The following ELMO1 variants were observed in gnomAD, a reference collection of about 807,000 sequenced individuals.
ELMO1 encodes the protein engulfment and cell motility protein 1.
In ELMO1, 26 loss-of-function variants were observed where a neutral mutation model predicts 98.9. That is an observed-to-expected ratio of 0.26 (90% confidence interval 0.19 to 0.36). ELMO1 has a LOEUF of 0.36. ELMO1 is among the 10% of genes least tolerant of loss of function. ELMO1 has a pLI of 1.00. For synonymous variants in ELMO1, 346 were observed against 346.0 expected, an observed-to-expected ratio of 1.00 and a Z score of 0.00; for missense variants, 627 against 935.2, an observed-to-expected ratio of 0.67 and a Z score of 4.30.
intron 5 of ELMO1, among the ~76,000 whole-genome samples, chr7:37,265,176 C>G (rs1305432835): frequency 6.6e-6 from 1 of 152,186 alleles, no homozygotes; most frequent in Non-Finnish European, 1.5e-5. Context: ...CTGCTGGCAT[C>G]TCTACCCTCA....
chr7:37,001,111 A>C (rs1023534945), intron 16 of ELMO1, among the ~76,000 whole-genome samples: 1 of 152,204 alleles, frequency 6.6e-6, no homozygotes, highest in Admixed American at 6.5e-5. Flanking sequence ...ATTTTTATTA[A>C]GAAACAGATG....
In ELMO1 at chr7:37,343,000, C is replaced by A; in HGVS notation, c.-73-237G>T. On this transcript the variant is annotated intron_variant, in intron 1 of 21. Transcript: ENST00000310758. The surrounding 1 kb of genome is among the most constrained non-coding windows in gnomAD (Gnocchi z 4.3). Reference sequence around the variant, plus strand: ...GTCAAAGCCGCCAGGAGACGCTGCCCTGTGGGGCACGGCTTGCGCGAATCT... The same window carrying A: ...GTCAAAGCCGCCAGGAGACGCTGCCATGTGGGGCACGGCTTGCGCGAATCT... 3.1e-6 allele frequency: 1 copy of A among 320,366 alleles called. No individual in the cohort carries two copies. The allele number at this position is 320,366 out of a possible 1,614,324, so 19.8% of individuals were successfully genotyped here.
At chr7:37,082,446 G>A (rs915366248) in intron 15 of ELMO1, among the ~76,000 whole-genome samples, 1 of 152,154 alleles carries the variant, frequency 6.6e-6, no homozygotes, top group Admixed American at 6.5e-5. Context: ...GCTCATGTCT[G>A]TAATCCCAGC....
At chr7:37,161,408 T>A (rs1442441739) in intron 13 of ELMO1, among the ~76,000 whole-genome samples, 1 of 152,036 alleles carries the variant, frequency 6.6e-6, no homozygotes, top group African/African-American at 2.4e-5. Flanking sequence ...ACTGTACATA[T>A]CTCCATCCCC....
chr7:36,985,961 T>G, intron 16 of ELMO1: 2 of 1,002,986 alleles, frequency 2.0e-6, no homozygotes, highest in Non-Finnish European at 2.4e-6. Context: ...CCACAAATAC[T>G]GATTCTAAGC....
intron 16 of ELMO1, among the ~76,000 whole-genome samples, chr7:36,988,867 G>C (rs1791682872): frequency 6.6e-6 from 1 of 152,174 alleles, no homozygotes; most frequent in African/African-American, 2.4e-5. Context: ...TACAAGCAAT[G>C]ACAATGCATT....
intron 1 of ELMO1, among the ~76,000 whole-genome samples, chr7:37,376,255 G>C (rs568930436): frequency 6.6e-6 from 1 of 152,198 alleles, no homozygotes; most frequent in East Asian, 1.9e-4. Flanking sequence ...GACAGTGAAA[G>C]AAATCTGACA....
intron 13 of ELMO1, among the ~76,000 whole-genome samples, chr7:37,159,016 A>T (rs1004486765): frequency 6.6e-6 from 1 of 152,218 alleles, no homozygotes; most frequent in Non-Finnish European, 1.5e-5. Flanking sequence ...ACATGGATGA[A>T]GCTGGAAACC....
intron 16 of ELMO1, among the ~76,000 whole-genome samples, chr7:36,910,621 G>A (rs1275502000): frequency 6.6e-6 from 1 of 152,096 alleles, no homozygotes; most frequent in Non-Finnish European, 1.5e-5. Context: ...TGTGTCCTTG[G>A]GCAAATTCCT....
rs1395809414 is a variant in ELMO1 at position 37,342,151 on chromosome 7, C to A, written c.78+462G>T. On this transcript the variant is annotated intron_variant, in intron 2 of 21. Transcript: ENST00000310758. The surrounding 1 kb of genome is among the most constrained non-coding windows in gnomAD (Gnocchi z 4.3). ...AATTGGCTGAAATCCAAGACTGAACCCCTCTATACTAATTTCATTACAAAG... is the reference window on the plus strand; with the variant it reads ...AATTGGCTGAAATCCAAGACTGAACACCTCTATACTAATTTCATTACAAAG... 2.0e-5 allele frequency among the ~76,000 whole-genome samples: 3 copies of A among 152,064 alleles called. No individual in the cohort carries two copies. Among genetic ancestry groups the A allele is most frequent in the African/African-American group, 7.2e-5 (3 of 41,388 alleles).
intron 16 of ELMO1, among the ~76,000 whole-genome samples, chr7:36,962,261 G>C (rs1337652275): frequency 6.6e-6 from 1 of 152,200 alleles, no homozygotes; most frequent in Non-Finnish European, 1.5e-5. Context: ...TGATTCTCAG[G>C]CCTCAGCCTA....
At chr7:36,906,359 C>A (rs1783959284) in intron 16 of ELMO1, among the ~76,000 whole-genome samples, 1 of 152,162 alleles carries the variant, frequency 6.6e-6, no homozygotes. Flanking sequence ...GTGGCCCATT[C>A]TTTGTTGAGA....
At chr7:37,375,417 C>T in intron 1 of ELMO1, 5 of 612,538 alleles carry the variant, frequency 8.2e-6, no homozygotes, top group Non-Finnish European at 1.5e-5. Context: ...CATAGATAGC[C>T]TTGTTTATGC....
intron 1 of ELMO1, among the ~76,000 whole-genome samples, chr7:37,411,743 G>A (rs1303450284): frequency 2.0e-5 from 3 of 152,052 alleles, no homozygotes; most frequent in Non-Finnish European, 1.5e-5. Flanking sequence ...AACTTTTTCC[G>A]TTATTCTGGT....
chr7:37,201,397 C>T (rs1218382811), intron 13 of ELMO1, among the ~76,000 whole-genome samples: 1 of 152,124 alleles, frequency 6.6e-6, no homozygotes, highest in Non-Finnish European at 1.5e-5. Context: ...CATGTTAAAG[C>T]AGAAAGCAAA....
In ELMO1 at chr7:36,913,098, G is replaced by A. The variant is rs199637373; in HGVS notation, c.1438-18081C>T. On this transcript the variant is annotated intron_variant, in intron 16 of 21. Transcript: ENST00000310758. ...CGACTCACCCCATCAGACAAGGAAC[G>A]GTGGAGCATGCACAACATGAAATTC... is the stretch of plus-strand genomic sequence containing the variant. 7.2e-5 allele frequency among the ~76,000 whole-genome samples: 11 copies of A among 152,276 alleles called. No homozygotes were observed. The East Asian group carries it at 1.4e-3, about 19-fold the overall frequency.
At chr7:36,980,658 T>C (rs1475158227) in intron 16 of ELMO1, among the ~76,000 whole-genome samples, 1 of 152,266 alleles carries the variant, frequency 6.6e-6, no homozygotes, top group Middle Eastern at 3.2e-3. Flanking sequence ...AGCAAATTAG[T>C]AGACTTCCAA....
chr7:36,910,752 C>G (rs980719906), intron 16 of ELMO1, among the ~76,000 whole-genome samples: 1 of 152,112 alleles, frequency 6.6e-6, no homozygotes, highest in African/African-American at 2.4e-5. Flanking sequence ...CAGATATAAA[C>G]GATGGCTGGA....
intron 15 of ELMO1, among the ~76,000 whole-genome samples, chr7:37,075,206 G>A (rs1797504586): frequency 6.6e-6 from 1 of 151,438 alleles, no homozygotes; most frequent in South Asian, 2.1e-4. Context: ...GAGTGCAGTG[G>A]CACGATCTCT....
Sources: allele counts gnomAD v4.1 joint callset (sites outside exome capture counted in the v4.1 genomes callset), GRCh38; gene constraint gnomAD v4.1.1; non-coding constraint Gnocchi (gnomAD v3.1); transcripts MANE v1.5; gene names NCBI Gene and HGNC (gene_info 2026-07-23, HGNC 2026-07-21).